CYB5R2: variants seen among roughly 807,000 people sequenced by gnomAD.
The protein encoded by CYB5R2 is NADH-cytochrome b5 reductase 2.
CYB5R2 carries 35 observed loss-of-function variants against 29.8 expected under a neutral mutation model. The observed-to-expected ratio is 1.17, with a 90% CI of 0.90 to 1.56. The LOEUF (loss-of-function observed/expected upper bound fraction) is 1.56. Ranked by LOEUF, CYB5R2 falls within the 40% of genes most tolerant of loss-of-function variation. CYB5R2 has a pLI of 0.00. For missense variants in CYB5R2, 419 were observed against 346.7 expected, an observed-to-expected ratio of 1.21 and a Z score of -1.66; for synonymous variants, 169 against 130.6, an observed-to-expected ratio of 1.29 and a Z score of -2.01.
At chr11:7,669,527 G>T in intron 4 of CYB5R2, 98 bp downstream of exon 4, 1 of 1,223,440 alleles carries the variant, frequency 8.2e-7, no homozygotes, top group Non-Finnish European at 1.1e-6. Flanking sequence ...CCTGCCTAGG[G>T]CATATGTGCC....
upstream of CYB5R2, chr11:7,673,586 C>A (rs898096193): frequency 3.0e-6 from 3 of 984,724 alleles, no homozygotes; most frequent in Admixed American, 6.1e-5. Flanking sequence ...CCCGCTCCGG[C>A]CCCCAACCTC....
chr11:7,667,528 C>T (rs953456652), intron 7 of CYB5R2, 200 bp downstream of exon 7: 1 of 553,672 alleles, frequency 1.8e-6, no homozygotes. Flanking sequence ...GCTGAGGAGA[C>T]ACAAAAGAGT....
chr11:7,668,503 G>A lies in CYB5R2; in HGVS notation c.447C>T (p.His149=). The change falls in exon 6 of 9, where the codon CAC becomes CAT. Residue 149 remains histidine (H), a synonymous_variant. Coordinates refer to ENST00000299498, the MANE Select transcript of CYB5R2 (RefSeq NM_016229.5). ...TSEPKKTLAD[H]LGMIAGGTGI... ...CTGTGCCCCCAGCAATCATTCCCAG[G>A]TGATCGGCCAGTGTTTTTTTAGGCT... 6.2e-7 allele frequency: 1 copy of A among 1,614,086 alleles called. No homozygotes were observed. Among genetic ancestry groups the A allele is most frequent in the Non-Finnish European group, 8.5e-7 (1 of 1,179,958 alleles).
upstream of CYB5R2, chr11:7,673,567 C>A: frequency 1.0e-6 from 1 of 985,412 alleles, no homozygotes; most frequent in Non-Finnish European, 1.2e-6. Flanking sequence ...ACGACCTCTC[C>A]CCACGCCTCC....
intron 7 of CYB5R2, 105 bp from the exon 8 acceptor site, chr11:7,666,655 A>G (rs572700923): frequency 4.8e-5 from 34 of 703,976 alleles, no homozygotes; most frequent in African/African-American, 4.8e-4. Flanking sequence ...CCACCACTCC[A>G]GCTGGAGTGC....
At chr11:7,673,046 G>T in intron 1 of CYB5R2, 155 bp from the exon 2 acceptor site, 2 of 713,066 alleles carry the variant, frequency 2.8e-6, no homozygotes, top group African/African-American at 1.8e-5. Context: ...ACAGAAGGCG[G>T]CTGGGAGAGC....
At chr11:7,666,316 G>T in intron 8 of CYB5R2, 135 bp downstream of exon 8, 1 of 634,072 alleles carries the variant, frequency 1.6e-6, no homozygotes, top group East Asian at 2.7e-5. Context: ...TTTCCCATCT[G>T]GAGCCAGAGC....
rs1356893505 is a variant in CYB5R2 at position 7,673,479 on chromosome 11, C to CCCG, written c.-130_-128dup. 4 of 986,408 alleles carry CCCG rather than the reference C, an allele frequency of 4.1e-6. No homozygotes were observed. In the African/African-American group the frequency reaches 7.0e-5, roughly 17 times the overall value. The allele number at this position is 986,408 out of a possible 1,614,324, so 61.1% of individuals were successfully genotyped here. A position where few individuals can be genotyped will look rare whatever the true frequency, so the allele number is the denominator to read the frequency against. On this transcript the variant is annotated 5_prime_UTR_variant, in exon 1 of 9. Coordinates refer to ENST00000299498, the MANE Select transcript of CYB5R2 (RefSeq NM_016229.5). Reference sequence around the variant, plus strand: ...CCCGACAGGGAAAGTTGCCTCTCCTCCCGCCGGGTCACTGGAGTCTCAGCC... The same window carrying CCCG: ...CCCGACAGGGAAAGTTGCCTCTCCTCCCGCCGCCGGGTCACTGGAGTCTCAGCC...
Position 7,669,254 on chromosome 11 carries a change from C to G in CYB5R2, c.339G>C (p.Glu113Asp). 6.2e-7 allele frequency: 1 copy of G among 1,614,152 alleles called. No homozygotes were observed. The part of the protein sequence containing the change: ...TQYLENMKIG[E>D]TIFFRGPRGR... ...CCCTTGGCCCTCGAAAAAAGATGGTCTCCCCGATTTTCATGTTCTCCAAAT... is the reference window on the plus strand; with the variant it reads ...CCCTTGGCCCTCGAAAAAAGATGGTGTCCCCGATTTTCATGTTCTCCAAAT... The change falls in exon 5 of 9, where the codon GAG (glutamate) becomes GAC (aspartate). Residue 113 changes from glutamate to aspartate, a missense_variant. Physicochemically the swap from Glu to Asp is conservative, Grantham distance 45. Coordinates refer to ENST00000299498, the MANE Select transcript of CYB5R2 (RefSeq NM_016229.5).
chr11:7,669,000 C>T (rs761746079), intron 5 of CYB5R2: 2 of 708,838 alleles, frequency 2.8e-6, no homozygotes, highest in Non-Finnish European at 2.5e-6. Flanking sequence ...AACACCAAGT[C>T]ATTCCCCTAC....
intron 2 of CYB5R2, 65 bp downstream of exon 2, chr11:7,672,683 T>C (rs1855826741): frequency 6.3e-7 from 1 of 1,595,258 alleles, no homozygotes; most frequent in Non-Finnish European, 8.6e-7. Flanking sequence ...GATGACTGTC[T>C]GGATGCCCTG....
At chr11:7,673,396 A>C (rs1175594726) in intron 1 of CYB5R2, 23 bp downstream of exon 1, 8 of 997,942 alleles carry the variant, frequency 8.0e-6, no homozygotes, top group Non-Finnish European at 9.6e-6. Flanking sequence ...GAGACTCGGG[A>C]GCCTCCCCGC....
chr11:7,665,470 G>A lies in CYB5R2; in HGVS notation c.735C>T (p.Leu245=), dbSNP rs189597785. Residue 245 remains leucine, a synonymous_variant, in exon 9 of 9, where the codon CTC becomes CTT. Coordinates refer to ENST00000299498, the MANE Select transcript of CYB5R2 (RefSeq NM_016229.5). ...EHLPPPAKST[L]ILVCGPPPLI... ...GTGGTGGCGGGCCACACACCAGGATGAGCGTGGACTTCGCTGGAGGAGGAA... is the reference window on the plus strand; with the variant it reads ...GTGGTGGCGGGCCACACACCAGGATAAGCGTGGACTTCGCTGGAGGAGGAA... 1.9e-6 allele frequency: 3 copies of A among 1,613,972 alleles called. No individual in the cohort carries two copies. Among genetic ancestry groups the A allele is most frequent in the African/African-American group, 1.3e-5 (1 of 75,054 alleles).
In CYB5R2 at chr11:7,673,359, G is replaced by A. The variant is rs1855878695; in HGVS notation, c.-67+60C>T. On this transcript the variant is annotated intron_variant, in intron 1 of 8. Transcript: ENST00000299498. ...TCCCCAACAGTCTCCTGGACAGGGC[G>A]AAGGGGGCCTGGGCACTCAACTGCC... The A allele has an allele frequency of 1.5e-5, 15 of 1,008,658 alleles. No individual in the cohort carries two copies. The South Asian group carries it at 4.2e-4, about 28-fold the overall frequency. 62.5% of individuals were successfully genotyped at this position (1,008,658 alleles called of 1,614,324 possible). A position where few individuals can be genotyped will look rare whatever the true frequency, so the allele number is the denominator to read the frequency against.
chr11:7,669,004 C>T (rs777890168), intron 5 of CYB5R2: 1 of 716,556 alleles, frequency 1.4e-6, no homozygotes, highest in Non-Finnish European at 2.5e-6. Context: ...CCAAGTCATT[C>T]CCCTACCTTA....
chr11:7,665,536 G>T lies in CYB5R2; in HGVS notation c.669C>A (p.Tyr223Ter), dbSNP rs1267910468. The T allele has an allele frequency of 1.2e-6, 2 of 1,604,514 alleles. No homozygotes were observed. The highest frequency in any genetic ancestry group is 1.7e-6 in the Non-Finnish European group (2 of 1,176,520). ...TGTCGGCAGTAACGAAGCCTGAGCTGTACTTCCAGCCTGAAATGAAGGAGA... is the reference window on the plus strand; with the variant it reads ...TGTCGGCAGTAACGAAGCCTGAGCTTTACTTCCAGCCTGAAATGAAGGAGA... ...TLDRPPIGWK[Y>*]SSGFVTADMI... is the part of the protein sequence containing the mutation. Residue 223 changes from tyrosine (Y) to a stop codon, truncating the protein, a stop_gained, in exon 9 of 9, where the codon TAC becomes TAA. Transcript: ENST00000299498. LOFTEE classifies it high-confidence loss of function.
In CYB5R2 at chr11:7,665,406, C is replaced by G. The variant is rs1420543343; in HGVS notation, c.799G>C (p.Gly267Arg). The change falls in exon 9 of 9, where the codon GGT becomes CGT. Residue 267 changes from glycine to arginine, a missense_variant. Transcript: ENST00000299498. The part of the protein sequence containing the change: ...TAAHPNLEKL[G>R]YTQDMIFTY Reference sequence around the variant, plus strand: ...GTGAAAATCATGTCCTGGGTATAACCCAGCTTCTCCAGGTTAGGGTGAGCC... The same window carrying G: ...GTGAAAATCATGTCCTGGGTATAACGCAGCTTCTCCAGGTTAGGGTGAGCC... 6.2e-7 allele frequency: 1 copy of G among 1,602,770 alleles called. No individual in the cohort carries two copies. Among genetic ancestry groups the G allele is most frequent in the Non-Finnish European group, 8.5e-7 (1 of 1,175,534 alleles).
chr11:7,669,153 T>A, intron 5 of CYB5R2, 52 bp downstream of exon 5: 5 of 1,610,774 alleles, frequency 3.1e-6, no homozygotes, highest in Non-Finnish European at 4.2e-6. Flanking sequence ...AATGGAACCA[T>A]TGCAGGAATC....
chr11:7,669,870 G>A, intron 3 of CYB5R2, 139 bp from the exon 4 acceptor site: 1 of 698,926 alleles, frequency 1.4e-6, no homozygotes, highest in Non-Finnish European at 2.5e-6. Context: ...GAGCAGGGAA[G>A]GAACCCAAAT....
Sources: allele counts gnomAD v4.1 joint callset, GRCh38; gene constraint gnomAD v4.1.1; transcripts MANE v1.5; gene names NCBI Gene and HGNC (gene_info 2026-07-23, HGNC 2026-07-21).